Variants in CAMTA1 observed in about 807,000 individuals in gnomAD.
CAMTA1 encodes the protein calmodulin binding transcription activator 1.
A neutral mutation model predicts 170.9 loss-of-function variants in CAMTA1; 27 were observed. That is an observed-to-expected ratio of 0.16 (90% confidence interval 0.12 to 0.22). The LOEUF (loss-of-function observed/expected upper bound fraction) is 0.22. CAMTA1 is among the 10% of genes least tolerant of loss of function. CAMTA1 has a pLI of 1.00. For missense variants in CAMTA1, 1,619 were observed against 2,217.2 expected (o/e 0.73, Z 5.42); for synonymous variants, 833 against 891.5 (o/e 0.93, Z 1.17).
chr1:7,339,566 C>T (rs564368459), intron 5 of CAMTA1, among the ~76,000 whole-genome samples: 3 of 152,122 alleles, frequency 2.0e-5, no homozygotes, highest in Non-Finnish European at 2.9e-5. Context: ...GCTGATCTCA[C>T]TCTGTTTTGT....
chr1:7,003,271 C>T (rs1698506905), intron 3 of CAMTA1, among the ~76,000 whole-genome samples: 1 of 152,240 alleles, frequency 6.6e-6, no homozygotes, highest in Admixed American at 6.5e-5. Flanking sequence ...ACCTGCCCCA[C>T]CACCACTACC....
At chr1:7,012,781 C>T (rs1466728271) in intron 3 of CAMTA1, among the ~76,000 whole-genome samples, 1 of 152,174 alleles carries the variant, frequency 6.6e-6, no homozygotes, top group East Asian at 1.9e-4. Flanking sequence ...TGGGCTCTGT[C>T]CTTGGATTCC....
intron 11 of CAMTA1, among the ~76,000 whole-genome samples, chr1:7,731,869 CTG>C (rs771478474): frequency 4.6e-5 from 7 of 152,072 alleles, no homozygotes; most frequent in Non-Finnish European, 8.8e-5. Context: ...CAACGTGAGA[CTG>C]TCTCAAAAAA....
At chr1:7,410,544 CTT>C (rs761382524) in intron 5 of CAMTA1, among the ~76,000 whole-genome samples, 52 of 152,308 alleles carry the variant, frequency 3.4e-4, no homozygotes, top group Non-Finnish European at 6.3e-4. Flanking sequence ...AACAATAACT[CTT>C]TGCAAAAAAG....
chr1:7,278,179 G>C (rs774461324), intron 5 of CAMTA1, among the ~76,000 whole-genome samples: 1 of 152,180 alleles, frequency 6.6e-6, no homozygotes, highest in Non-Finnish European at 1.5e-5. Context: ...CTGCTCTAGG[G>C]ATGTTTGAGA....
intron 5 of CAMTA1, among the ~76,000 whole-genome samples, chr1:7,316,610 T>C (rs1677543371): frequency 6.6e-6 from 1 of 152,202 alleles, no homozygotes; most frequent in Non-Finnish European, 1.5e-5. Flanking sequence ...ACAATTCTGT[T>C]CGTTCATTTA....
At chr1:7,571,243 C>T (rs1272580411) in intron 6 of CAMTA1, among the ~76,000 whole-genome samples, 5 of 152,172 alleles carry the variant, frequency 3.3e-5, no homozygotes, top group Non-Finnish European at 5.9e-5. Flanking sequence ...CTTCTCACTG[C>T]GTCCTCACAG....
chr1:7,307,061 C>G (rs1675702909), intron 5 of CAMTA1, among the ~76,000 whole-genome samples: 1 of 151,852 alleles, frequency 6.6e-6, no homozygotes, highest in Non-Finnish European at 1.5e-5. Context: ...GGAACTAATC[C>G]TCTGCAGATG....
At chr1:6,862,063 A>G (rs1381647295) in intron 3 of CAMTA1, among the ~76,000 whole-genome samples, 1 of 151,874 alleles carries the variant, frequency 6.6e-6, no homozygotes, top group Admixed American at 6.6e-5. Context: ...CCCGGGTTCA[A>G]GCTATTCTCC....
intron 3 of CAMTA1, among the ~76,000 whole-genome samples, chr1:6,832,270 G>T (rs1650600085): frequency 6.6e-6 from 1 of 151,840 alleles, no homozygotes; most frequent in African/African-American, 2.4e-5. Flanking sequence ...TAGAGACAGG[G>T]TTTCACCATG....
At position 7,398,154 on chromosome 1, in the gene CAMTA1, G is replaced by GCTCTCTCTCT. The variant is rs371668581; in HGVS notation, c.439-69645_439-69636dup. On this transcript the variant is annotated intron_variant, in intron 5 of 22. Coordinates refer to ENST00000303635, the MANE Select transcript of CAMTA1 (RefSeq NM_015215.4). The stretch of plus-strand genomic sequence containing the variant: ...TTCAGAAGTTAGATATAATAATATT[G>GCTCTCTCTCT]CTCTCTCTCTCTCTCTCTCTCTCTC... 1.4e-3 allele frequency among the ~76,000 whole-genome samples: 38 copies of GCTCTCTCTCT among 26,262 alleles called. 3 individuals are homozygous for GCTCTCTCTCT. Among genetic ancestry groups the GCTCTCTCTCT allele is most frequent in the Admixed American group, 1.9e-3 (3 of 1,586 alleles). The allele number at this position is 26,262 out of a possible 152,430, so 17.2% of individuals were successfully genotyped here.
At position 6,824,324 on chromosome 1, in the gene CAMTA1, G is replaced by A. The variant is rs143043477; in HGVS notation, c.116-768G>A. On this transcript the variant is annotated intron_variant, in intron 2 of 22. Coordinates refer to ENST00000303635, the MANE Select transcript of CAMTA1 (RefSeq NM_015215.4). The stretch of plus-strand genomic sequence containing the variant: ...AAATGATATGTAAGCAAACAAATGA[G>A]TGAAATAAATGTTATATAAAGGAAA... Among the ~76,000 whole-genome samples, 266 of 152,206 alleles carry A rather than the reference G, an allele frequency of 1.7e-3. 1 individual carries two copies. Among genetic ancestry groups the A allele is most frequent in the African/African-American group, 5.9e-3 (244 of 41,542 alleles).
intron 6 of CAMTA1, among the ~76,000 whole-genome samples, chr1:7,558,337 G>C (rs1316460868): frequency 1.3e-5 from 2 of 152,218 alleles, no homozygotes; most frequent in African/African-American, 4.8e-5. Flanking sequence ...GGGGGGTCAA[G>C]GCCGCCAGGG....
At chr1:7,484,471 A>G (rs1025838257) in intron 6 of CAMTA1, among the ~76,000 whole-genome samples, 1 of 152,220 alleles carries the variant, frequency 6.6e-6, no homozygotes, top group Non-Finnish European at 1.5e-5. Context: ...CACTTTGCAC[A>G]GGGTCGGACA....
chr1:7,407,919 G>C (rs2090417199), intron 5 of CAMTA1, among the ~76,000 whole-genome samples: 1 of 152,188 alleles, frequency 6.6e-6, no homozygotes, highest in Non-Finnish European at 1.5e-5. Flanking sequence ...ATTCAACGAA[G>C]GTTCTCCCAA....
intron 3 of CAMTA1, among the ~76,000 whole-genome samples, chr1:6,912,825 C>T (rs1680009688): frequency 6.6e-6 from 1 of 152,226 alleles, no homozygotes; most frequent in Admixed American, 6.5e-5. Context: ...GTCACTGAAT[C>T]CTCCCACTAC....
intron 3 of CAMTA1, among the ~76,000 whole-genome samples, chr1:7,000,999 C>A (rs1298630792): frequency 6.6e-6 from 1 of 152,186 alleles, no homozygotes; most frequent in Non-Finnish European, 1.5e-5. Context: ...AAACCCTACC[C>A]TTTCTTTCAG....
At chr1:6,950,394 T>C (rs1215435731) in intron 3 of CAMTA1, among the ~76,000 whole-genome samples, 1 of 152,188 alleles carries the variant, frequency 6.6e-6, no homozygotes, top group African/African-American at 2.4e-5. Flanking sequence ...AGCTGAGAGC[T>C]TTGGGACTTT....
In CAMTA1 at chr1:7,364,433, G is replaced by A. The variant is rs551294506; in HGVS notation, c.439-103397G>A. Among the ~76,000 whole-genome samples, 4 of 141,734 alleles carry A rather than the reference G, an allele frequency of 2.8e-5. No individual in the cohort carries two copies. In the East Asian group the frequency reaches 8.1e-4, roughly 29 times the overall value. The allele number at this position is 141,734 out of a possible 152,430, so 93.0% of individuals were successfully genotyped here. ...ACATGGTGGAGGAGGGGGCACACAG[G>A]TTCCCTTGTGACTCTTTTTTTTTTT... On this transcript the variant is annotated intron_variant, in intron 5 of 22. Transcript: ENST00000303635.
Sources: gnomAD v4.1 joint callset for allele counts (sites outside exome capture counted in the v4.1 genomes callset) on GRCh38, gnomAD v4.1.1 for gene constraint, MANE v1.5 for transcripts, NCBI Gene and HGNC (gene_info 2026-07-23, HGNC 2026-07-21) for gene names.